The following FARS2 variants were observed in gnomAD, a reference collection of about 807,000 sequenced individuals.
FARS2 encodes phenylalanine--tRNA ligase, mitochondrial.
FARS2 carries 40 observed loss-of-function variants against 46.4 expected under a neutral mutation model. That is an observed-to-expected ratio of 0.86 (90% CI 0.67 to 1.12). The LOEUF (loss-of-function observed/expected upper bound fraction) is 1.12, where lower values mean the gene tolerates loss of function less well. Ranked by LOEUF, FARS2 falls within the 50% of genes most tolerant of loss-of-function variation. The pLI is 0.00. For synonymous variants in FARS2, 234 were observed against 214.9 expected, an observed-to-expected ratio of 1.09 and a Z score of -0.78; for missense variants, 513 against 567.9, an observed-to-expected ratio of 0.90 and a Z score of 0.98.
Position 5,264,038 on chromosome 6 carries a change from C to A in FARS2, c.-22+2378C>A, listed in dbSNP as rs573803175. Among the ~76,000 whole-genome samples the A allele has an allele frequency of 9.1e-4, 138 of 152,028 alleles. 2 individuals carry two copies. The highest frequency in any genetic ancestry group is 3.2e-3 in the African/African-American group (134 of 41,464). On this transcript the variant is annotated intron_variant, in intron 1 of 6. Transcript: ENST00000274680. ...ACCAGCCTGGGCAACATGGCAAAAC[C>A]CCATCTATACAAAAAATACATCATA...
intron 5 of FARS2, among the ~76,000 whole-genome samples, chr6:5,559,862 G>A (rs1354548122): frequency 1.3e-5 from 2 of 152,146 alleles, no homozygotes; most frequent in South Asian, 2.1e-4. Context: ...ATTTATGGCA[G>A]CACTAGCACT....
chr6:5,631,022 A>G (rs1776268659), intron 6 of FARS2, among the ~76,000 whole-genome samples: 5 of 151,934 alleles, frequency 3.3e-5, no homozygotes, highest in Admixed American at 3.3e-4. Context: ...GGAGAAACCC[A>G]CTCCTTGGGA....
At chr6:5,715,122 G>A (rs958369492) in intron 6 of FARS2, among the ~76,000 whole-genome samples, 2 of 152,200 alleles carry the variant, frequency 1.3e-5, no homozygotes, top group African/African-American at 4.8e-5. Context: ...CATTTAACTC[G>A]TGCACGCCCA....
chr6:5,439,133 G>GT (rs1763699198), intron 4 of FARS2, among the ~76,000 whole-genome samples: 1 of 152,148 alleles, frequency 6.6e-6, no homozygotes. Flanking sequence ...TGTCCATCCT[G>GT]TACTTAAGGG....
intron 6 of FARS2, among the ~76,000 whole-genome samples, chr6:5,734,057 T>C (rs1760800379): frequency 6.6e-6 from 1 of 152,176 alleles, no homozygotes; most frequent in African/African-American, 2.4e-5. Context: ...TAAACTGGTG[T>C]AATAGCTAAG....
chr6:5,560,492 TTG>T lies in FARS2; in HGVS notation c.1065+15156_1065+15157del, dbSNP rs140615598. On this transcript the variant is annotated intron_variant, in intron 5 of 6. Coordinates refer to ENST00000274680, the MANE Select transcript of FARS2 (RefSeq NM_006567.5). The stretch of plus-strand genomic sequence containing the variant: ...TAATATTTCTTTAGGATTTCTGACT[TTG>T]TGTTCAGGGGTGAACTAGGCCTTTA... Among the ~76,000 whole-genome samples, 1,313 of 152,228 alleles carry T rather than the reference TTG, an allele frequency of 8.6e-3. 29 individuals are homozygous for T. The highest frequency in any genetic ancestry group is 0.027 in the African/African-American group (1,131 of 41,510).
intron 6 of FARS2, among the ~76,000 whole-genome samples, chr6:5,644,438 A>T (rs578052063): frequency 6.6e-6 from 1 of 152,102 alleles, no homozygotes; most frequent in Non-Finnish European, 1.5e-5. Context: ...CTGGTCTTGA[A>T]CTGAGCTCAA....
chr6:5,508,310 C>A (rs2150396532), intron 4 of FARS2, among the ~76,000 whole-genome samples: 1 of 152,332 alleles, frequency 6.6e-6, no homozygotes, highest in South Asian at 2.1e-4. Flanking sequence ...GGGATCATCC[C>A]CCACGTGGAT....
At chr6:5,633,906 G>A (rs1776417589) in intron 6 of FARS2, among the ~76,000 whole-genome samples, 1 of 151,980 alleles carries the variant, frequency 6.6e-6, no homozygotes, top group Non-Finnish European at 1.5e-5. Flanking sequence ...CAAAATACTA[G>A]TCCATTTTAT....
At chr6:5,260,683 C>T (rs1396973398), upstream of FARS2, 3 of 1,547,012 alleles carry the variant, frequency 1.9e-6, no homozygotes, top group Non-Finnish European at 1.7e-6. Context: ...TGCTCTCTCT[C>T]AGCATCGCCC....
At chr6:5,770,715 C>G (rs2150989764) in intron 6 of FARS2, among the ~76,000 whole-genome samples, 1 of 152,272 alleles carries the variant, frequency 6.6e-6, no homozygotes, top group Middle Eastern at 3.4e-3. Flanking sequence ...AAGTCAACAC[C>G]AATGTCATAA....
chr6:5,664,962 T>C (rs1259794566), intron 6 of FARS2: 1 of 152,216 alleles, frequency 6.6e-6, no homozygotes, highest in African/African-American at 2.4e-5. Context: ...AGGCATTTTT[T>C]CATTTGTTTG....
intron 3 of FARS2, among the ~76,000 whole-genome samples, chr6:5,411,220 A>G (rs1237706478): frequency 6.6e-6 from 1 of 152,202 alleles, no homozygotes; most frequent in East Asian, 1.9e-4. Context: ...CCAAGGCTGC[A>G]GTGAGATATG....
intron 4 of FARS2, among the ~76,000 whole-genome samples, chr6:5,458,401 G>A (rs1203816120): frequency 6.6e-6 from 1 of 152,164 alleles, no homozygotes; most frequent in African/African-American, 2.4e-5. Context: ...GCCCTAGAAG[G>A]GGACTGCTGT....
At chr6:5,685,956 C>T (rs942561372) in intron 6 of FARS2, among the ~76,000 whole-genome samples, 4 of 152,198 alleles carry the variant, frequency 2.6e-5, no homozygotes, top group Admixed American at 1.3e-4. Flanking sequence ...CACAAGACCA[C>T]TCGGAGGATA....
At chr6:5,378,216 A>G (rs1005156551) in intron 2 of FARS2, among the ~76,000 whole-genome samples, 1 of 152,254 alleles carries the variant, frequency 6.6e-6, no homozygotes, top group Non-Finnish European at 1.5e-5. Flanking sequence ...TTAGGAGCGT[A>G]GAAGGATGTT....
At chr6:5,273,195 A>G (rs981550387) in intron 1 of FARS2, among the ~76,000 whole-genome samples, 2 of 152,212 alleles carry the variant, frequency 1.3e-5, no homozygotes, top group African/African-American at 4.8e-5. Context: ...CAGCAGTGGA[A>G]TTGCTGGACA....
At chr6:5,357,540 G>A (rs565187772) in intron 1 of FARS2, among the ~76,000 whole-genome samples, 5 of 152,300 alleles carry the variant, frequency 3.3e-5, no homozygotes, top group African/African-American at 1.2e-4. Flanking sequence ...AGTTCTCCCC[G>A]AGGAGAGCAT....
At chr6:5,541,528 T>C (rs4499976) in intron 4 of FARS2, among the ~76,000 whole-genome samples, 132,321 of 152,234 alleles carry the variant, frequency 0.87, 57,646 homozygotes, top group East Asian at 0.99. Flanking sequence ...GAGAATTGAA[T>C]TCATATTGTA....
Sources: allele counts gnomAD v4.1 joint callset (sites outside exome capture counted in the v4.1 genomes callset), GRCh38; gene constraint gnomAD v4.1.1; transcripts MANE v1.5; gene names NCBI Gene and HGNC (gene_info 2026-07-23, HGNC 2026-07-21).